The following CUL1 variants were observed in gnomAD, a reference collection of about 807,000 sequenced individuals.
The protein encoded by CUL1 is cullin 1.
CUL1 carries 24 observed loss-of-function variants against 118.0 expected under a neutral mutation model. That is an observed-to-expected ratio of 0.20 (90% CI 0.15 to 0.29). CUL1 has a LOEUF of 0.29. CUL1 is among the 10% of genes least tolerant of loss of function. The pLI is 1.00. For synonymous variants in CUL1, 332 were observed against 340.4 expected, an observed-to-expected ratio of 0.98 and a Z score of 0.27; for missense variants, 361 against 933.8, an observed-to-expected ratio of 0.39 and a Z score of 7.99.
chr7:148,799,983 T>C (rs1315793458), intron 21 of CUL1, among the ~76,000 whole-genome samples: 1 of 152,316 alleles, frequency 6.6e-6, no homozygotes, highest in East Asian at 1.9e-4. Flanking sequence ...GACTTTCCTT[T>C]TCCTAAACCA....
intron 7 of CUL1, among the ~76,000 whole-genome samples, chr7:148,764,010 G>A (rs1027525204): frequency 1.3e-5 from 2 of 152,122 alleles, no homozygotes; most frequent in African/African-American, 4.8e-5. Context: ...CCATGTTAGT[G>A]TTTCTAAAAG....
chr7:148,712,174 C>T (rs972110653), intron 1 of CUL1, among the ~76,000 whole-genome samples: 1 of 152,238 alleles, frequency 6.6e-6, no homozygotes, highest in African/African-American at 2.4e-5. Flanking sequence ...AGTGAAAGCT[C>T]TCCAGTAGCG....
chr7:148,775,199 A>G (rs1313928913), intron 9 of CUL1, among the ~76,000 whole-genome samples: 3 of 152,214 alleles, frequency 2.0e-5, no homozygotes, highest in Non-Finnish European at 1.5e-5. Flanking sequence ...TCTCTTCTGT[A>G]GTGAAGTGCG....
In CUL1 at chr7:148,770,582, C is replaced by T. The variant is rs187998791; in HGVS notation, c.1083+2833C>T. On this transcript the variant is annotated intron_variant, in intron 9 of 21. Transcript: ENST00000325222. ...GTTTTATTCTTATTTGTAAACTTGC[C>T]GTTTGGCTCCTTCTGTTGGAATGCT... 4.5e-3 allele frequency among the ~76,000 whole-genome samples: 679 copies of T among 152,194 alleles called. 4 individuals are homozygous for T. The highest frequency in any genetic ancestry group is 7.8e-3 in the Non-Finnish European group (530 of 68,016).
chr7:148,725,248 C>T (rs1410559488), intron 1 of CUL1, among the ~76,000 whole-genome samples: 1 of 151,276 alleles, frequency 6.6e-6, no homozygotes, highest in Non-Finnish European at 1.5e-5. Flanking sequence ...CACACACACA[C>T]CCGTACCCCT....
chr7:148,715,470 AAAAGTTT>A (rs1798185562), intron 1 of CUL1, among the ~76,000 whole-genome samples: 1 of 152,202 alleles, frequency 6.6e-6, no homozygotes, highest in African/African-American at 2.4e-5. Context: ...CTGTCGAACT[AAAAGTTT>A]CATGGATGAG....
At chr7:148,780,775 G>C (rs1028658587) in intron 9 of CUL1, among the ~76,000 whole-genome samples, 2 of 152,200 alleles carry the variant, frequency 1.3e-5, no homozygotes, top group Non-Finnish European at 2.9e-5. Context: ...AATACACAGA[G>C]GGTCCTGAAT....
At chr7:148,781,952 T>G (rs941115831) in intron 9 of CUL1, among the ~76,000 whole-genome samples, 4 of 152,312 alleles carry the variant, frequency 2.6e-5, no homozygotes, top group Admixed American at 2.6e-4. Flanking sequence ...GCAAATTGAG[T>G]CCTTCAATTG....
intron 1 of CUL1, among the ~76,000 whole-genome samples, chr7:148,707,791 A>G (rs1303761369): frequency 1.3e-5 from 2 of 152,216 alleles, no homozygotes; most frequent in Non-Finnish European, 2.9e-5. Context: ...TTTTAAAAGC[A>G]TCTCAATACT....
chr7:148,757,195 G>GTT, intron 4 of CUL1, 45 bp downstream of exon 4: 3 of 1,308,854 alleles, frequency 2.3e-6, no homozygotes, highest in Non-Finnish European at 2.0e-6. Flanking sequence ...TTTTGTTTTT[G>GTT]TTTTTTTTAA....
Position 148,787,145 on chromosome 7 carries a change from AT to A in CUL1, c.1479+26del. Reference sequence around the variant, plus strand: ...GGTGAGTTTCATCTTTTCCTGAAAAATCCCAGCTTCTGAGTCATTATTAAAA... The same window carrying A: ...GGTGAGTTTCATCTTTTCCTGAAAAACCCAGCTTCTGAGTCATTATTAAAA... On this transcript the variant is annotated intron_variant, in intron 13 of 21. Transcript: ENST00000325222. This position sits in a 1 kb window ranked among gnomAD's most constrained non-coding sequence, Gnocchi z 5.5. The A allele has an allele frequency of 6.2e-7, 1 of 1,611,068 alleles. No homozygotes were observed. The highest frequency in any genetic ancestry group is 8.5e-7 in the Non-Finnish European group (1 of 1,178,400).
In CUL1 at chr7:148,757,125, G is replaced by A. The variant is rs1799682339; in HGVS notation, c.458G>A (p.Arg153Gln). 1.9e-6 allele frequency: 3 copies of A among 1,573,556 alleles called. No homozygotes were observed. The highest frequency in any genetic ancestry group is 2.6e-6 in the Non-Finnish European group (3 of 1,161,536). ...GTTCGCCGTGAATGTGACGAAGGACGAAAAGGAATATATGAAATCTATTCG... is the reference window on the plus strand; with the variant it reads ...GTTCGCCGTGAATGTGACGAAGGACAAAAAGGAATATATGAAATCTATTCG... ...HWVRRECDEG[R>Q]KGIYEIYSLA... is the part of the protein sequence containing the mutation. Residue 153 changes from arginine to glutamine, a missense_variant, in exon 4 of 22, where the codon CGA becomes CAA. Arg to Gln is a conservative substitution (Grantham distance 43). Transcript: ENST00000325222.
intron 7 of CUL1, among the ~76,000 whole-genome samples, chr7:148,761,243 C>T (rs1213849961): frequency 2.6e-5 from 4 of 152,268 alleles, no homozygotes; most frequent in East Asian, 3.9e-4. Flanking sequence ...CGTGGTGGCT[C>T]ATGCCTGTAA....
At chr7:148,698,045 G>A (rs1032823195), upstream of CUL1, 9 of 152,212 alleles carry the variant, frequency 5.9e-5, no homozygotes, top group Admixed American at 2.0e-4. Context: ...AAAGTCTGAA[G>A]GGGAAAGCCT....
At chr7:148,701,309 C>T (rs544759039) in intron 1 of CUL1, among the ~76,000 whole-genome samples, 31 of 152,136 alleles carry the variant, frequency 2.0e-4, no homozygotes, top group Non-Finnish European at 4.0e-4. Context: ...TCTCTCTCAT[C>T]CCTCCTTTTC....
intron 9 of CUL1, among the ~76,000 whole-genome samples, chr7:148,771,081 G>A (rs1800192907): frequency 6.6e-6 from 1 of 152,086 alleles, no homozygotes; most frequent in African/African-American, 2.4e-5. Context: ...CACTACCTAA[G>A]TGATTTTTTT....
chr7:148,699,327 C>T (rs923738776), intron 1 of CUL1, among the ~76,000 whole-genome samples: 1 of 151,754 alleles, frequency 6.6e-6, no homozygotes, highest in Non-Finnish European at 1.5e-5. Flanking sequence ...TTCATCGCGC[C>T]TGGAGGCGGC....
At chr7:148,759,110 G>A (rs565742044) in intron 4 of CUL1, among the ~76,000 whole-genome samples, 194 bp from the exon 5 acceptor site, 1 of 152,350 alleles carries the variant, frequency 6.6e-6, no homozygotes, top group East Asian at 1.9e-4. Flanking sequence ...GCTGACAAAT[G>A]TCTGTGCTTG....
At chr7:148,701,769 T>G (rs1797726953) in intron 1 of CUL1, among the ~76,000 whole-genome samples, 1 of 152,224 alleles carries the variant, frequency 6.6e-6, no homozygotes, top group African/African-American at 2.4e-5. Flanking sequence ...ATGAATGTAC[T>G]TTAAATTGAG....
Sources: gnomAD v4.1 joint callset for allele counts (sites outside exome capture counted in the v4.1 genomes callset) on GRCh38, gnomAD v4.1.1 for gene constraint, Gnocchi (gnomAD v3.1) non-coding constraint, MANE v1.5 for transcripts, NCBI Gene and HGNC (gene_info 2026-07-23, HGNC 2026-07-21) for gene names.